The following WNT7B variants were observed in gnomAD, a reference collection of about 807,000 sequenced individuals.
The protein encoded by WNT7B is protein Wnt-7b.
In WNT7B, 19 loss-of-function variants were observed where a neutral mutation model predicts 38.2. The observed-to-expected ratio is 0.50, with a 90% confidence interval of 0.35 to 0.73. WNT7B has a LOEUF of 0.73. Ranked by LOEUF, WNT7B falls within the 30% of genes least tolerant of loss-of-function variation. WNT7B has a pLI of 0.01. For missense variants in WNT7B, 423 were observed against 507.9 expected, an observed-to-expected ratio of 0.83 and a Z score of 1.61; for synonymous variants, 243 against 209.3, an observed-to-expected ratio of 1.16 and a Z score of -1.39.
intron 2 of WNT7B, among the ~76,000 whole-genome samples, chr22:45,935,476 C>G (rs1931492326): frequency 3.3e-5 from 5 of 152,198 alleles, no homozygotes; most frequent in Admixed American, 3.3e-4. Context: ...CAGCAGCCCC[C>G]TCCCTTCCTG....
intron 2 of WNT7B, among the ~76,000 whole-genome samples, chr22:45,945,610 A>G (rs1015376381): frequency 6.6e-6 from 1 of 152,242 alleles, no homozygotes; most frequent in African/African-American, 2.4e-5. Flanking sequence ...TGAACAAGTG[A>G]AGAATCCAGC....
At chr22:45,933,996 G>T (rs575534687) in intron 2 of WNT7B, among the ~76,000 whole-genome samples, 4 of 152,214 alleles carry the variant, frequency 2.6e-5, no homozygotes, top group Admixed American at 6.5e-5. Flanking sequence ...GAGGCCGGTC[G>T]GCACCAGCAA....
intron 2 of WNT7B, among the ~76,000 whole-genome samples, chr22:45,949,415 C>G (rs984958666): frequency 1.3e-5 from 2 of 151,822 alleles, no homozygotes; most frequent in African/African-American, 4.8e-5. Flanking sequence ...ACTCGGCTCC[C>G]TCTACCCAGC....
At chr22:45,970,666 A>G (rs1488550250) in intron 1 of WNT7B, among the ~76,000 whole-genome samples, 2 of 152,204 alleles carry the variant, frequency 1.3e-5, no homozygotes, top group African/African-American at 4.8e-5. Flanking sequence ...GGAGCTGCCA[A>G]TTCTCTAGCA....
chr22:45,958,020 G>A (rs1405455317), intron 1 of WNT7B, among the ~76,000 whole-genome samples: 2 of 152,254 alleles, frequency 1.3e-5, no homozygotes, highest in African/African-American at 4.8e-5. Context: ...AAGTGCAGGA[G>A]ACCTCAGGGA....
intron 3 of WNT7B, among the ~76,000 whole-genome samples, chr22:45,929,522 ATCTT>A (rs1373958008): frequency 1.7e-4 from 21 of 124,266 alleles, no homozygotes; most frequent in African/African-American, 6.2e-4. Context: ...ACTTCCGTCC[ATCTT>A]TCCACCCACT....
chr22:45,948,080 G>A (rs958256848), intron 2 of WNT7B, among the ~76,000 whole-genome samples: 6 of 152,186 alleles, frequency 3.9e-5, no homozygotes, highest in Non-Finnish European at 7.3e-5. Flanking sequence ...CTGGCGCAGC[G>A]AGGCAGCAAG....
At chr22:45,928,829 G>A (rs115610424) in intron 3 of WNT7B, among the ~76,000 whole-genome samples, 3,936 of 151,666 alleles carry the variant, frequency 0.026, 166 homozygotes, top group African/African-American at 0.089. Flanking sequence ...CACCCTACCC[G>A]GCCATCCTGG....
intron 1 of WNT7B, chr22:45,954,535 G>C: frequency 2.1e-6 from 2 of 975,460 alleles, no homozygotes; most frequent in Non-Finnish European, 2.4e-6. Context: ...CGCCCTGCTT[G>C]CCTTCTTGCA....
chr22:45,942,165 C>T (rs111423073), intron 2 of WNT7B, among the ~76,000 whole-genome samples: 8,876 of 152,250 alleles, frequency 0.058, 602 homozygotes, highest in African/African-American at 0.16. Context: ...GAGACACCCC[C>T]GGGCCACATC....
chr22:45,930,488 C>T (rs566502129), intron 3 of WNT7B, among the ~76,000 whole-genome samples: 1 of 152,216 alleles, frequency 6.6e-6, no homozygotes, highest in African/African-American at 2.4e-5. Context: ...GTATCTGGGG[C>T]CCTCATCTCC....
At chr22:45,938,607 C>T (rs560964829) in intron 2 of WNT7B, among the ~76,000 whole-genome samples, 41 of 151,880 alleles carry the variant, frequency 2.7e-4, no homozygotes, top group Non-Finnish European at 3.5e-4. Flanking sequence ...CACTGCACTC[C>T]GGCCTGGGCA....
chr22:45,922,564 A>G lies in WNT7B; in HGVS notation c.*292T>C, dbSNP rs1234891403. On this transcript the variant is annotated 3_prime_UTR_variant, in exon 4 of 4. Transcript: ENST00000339464. ...ACGTTCATTTTCCCAGAGAGAAGAA[A>G]GAGAACTTGCCGGGCCCCGTCGGGG... is the stretch of plus-strand genomic sequence containing the variant. 1.8e-5 allele frequency: 8 copies of G among 443,346 alleles called. No homozygotes were observed. The highest frequency in any genetic ancestry group is 6.1e-4 in the Middle Eastern group (1 of 1,640). The allele number at this position is 443,346 out of a possible 1,614,324, so 27.5% of individuals were successfully genotyped here.
chr22:45,957,948 C>A (rs960694887), intron 1 of WNT7B, among the ~76,000 whole-genome samples: 6 of 152,226 alleles, frequency 3.9e-5, no homozygotes, highest in African/African-American at 1.4e-4. Context: ...GGCCCTCAGC[C>A]TCTCTGGACC....
chr22:45,929,121 G>A (rs139383010), intron 3 of WNT7B, among the ~76,000 whole-genome samples: 9 of 152,272 alleles, frequency 5.9e-5, no homozygotes, highest in South Asian at 2.1e-4. Context: ...GCAGAGGCTC[G>A]AGGATGGTGG....
chr22:45,970,097 G>A (rs574641991), intron 1 of WNT7B, among the ~76,000 whole-genome samples: 3 of 152,188 alleles, frequency 2.0e-5, no homozygotes, highest in Non-Finnish European at 2.9e-5. Flanking sequence ...CAAACAAACC[G>A]GGCAAGGGAA....
At chr22:45,924,853 T>C (rs1424857818) in intron 3 of WNT7B, among the ~76,000 whole-genome samples, 3 of 128,706 alleles carry the variant, frequency 2.3e-5, no homozygotes, top group Non-Finnish European at 4.8e-5. Flanking sequence ...GGCCCTAGAG[T>C]GGCAGGTGGG....
chr22:45,927,551 C>T (rs1286055321), intron 3 of WNT7B: 3 of 1,443,332 alleles, frequency 2.1e-6, no homozygotes, highest in East Asian at 5.0e-5. Context: ...GAGAGGAGGT[C>T]ACCCTGGGTT....
At chr22:45,964,021 G>A (rs1333357314) in intron 1 of WNT7B, among the ~76,000 whole-genome samples, 1 of 152,100 alleles carries the variant, frequency 6.6e-6, no homozygotes, top group Non-Finnish European at 1.5e-5. Flanking sequence ...GAGAGCAGGT[G>A]CGGCCCATGT....
Sources: allele counts gnomAD v4.1 joint callset (sites outside exome capture counted in the v4.1 genomes callset), GRCh38; gene constraint gnomAD v4.1.1; transcripts MANE v1.5; gene names NCBI Gene and HGNC (gene_info 2026-07-23, HGNC 2026-07-21).